RPL35: variants seen among roughly 807,000 people sequenced by gnomAD.
The protein encoded by RPL35 is large ribosomal subunit protein uL29.
A neutral mutation model predicts 15.6 loss-of-function variants in RPL35; 2 were observed. The ratio of observed to expected loss-of-function variants is 0.13; its 90% confidence interval spans 0.05 to 0.40. The LOEUF is 0.40. Ranked by LOEUF, RPL35 falls within the 10% of genes least tolerant of loss-of-function variation. The pLI is 0.99. For synonymous variants in RPL35, 93 were observed against 67.9 expected (o/e 1.37, Z -1.82); for missense variants, 111 against 164.7 (o/e 0.67, Z 1.79).
intron 1 of RPL35, 159 bp from the exon 2 acceptor site, chr9:124,861,714 G>A (rs1040694160): frequency 7.5e-7 from 1 of 1,337,580 alleles, no homozygotes; most frequent in Non-Finnish European, 1.0e-6. Context: ...CGTGCCTTGG[G>A]CAGAGTAACC....
rs565943642 is a variant in RPL35 at position 124,859,021 on chromosome 9, T to G, written c.223-954A>C. ...ATCCCTCACTCCTGCTGGCATCGGC[T>G]GGGCATTCGTCCTTTTCACATTGGC... On this transcript the variant is annotated intron_variant, in intron 3 of 3. Coordinates refer to ENST00000348462, the MANE Select transcript of RPL35 (RefSeq NM_007209.4). 3.3e-5 allele frequency among the ~76,000 whole-genome samples: 5 copies of G among 152,326 alleles called. No homozygotes were observed. The East Asian group carries it at 9.6e-4, about 29-fold the overall frequency.
At chr9:124,859,627 AC>A (rs1829164315) in intron 3 of RPL35, among the ~76,000 whole-genome samples, 1 of 151,860 alleles carries the variant, frequency 6.6e-6, no homozygotes, top group Admixed American at 6.6e-5. Flanking sequence ...CTCTGCTTGA[AC>A]CCCAATAAGA....
intron 3 of RPL35, among the ~76,000 whole-genome samples, chr9:124,859,770 A>G (rs1418802478): frequency 6.6e-6 from 1 of 152,202 alleles, no homozygotes; most frequent in African/African-American, 2.4e-5. Flanking sequence ...AGGGCCCATC[A>G]TGCCATTGAC....
intron 1 of RPL35, 100 bp downstream of exon 1, chr9:124,861,810 G>C: frequency 6.7e-7 from 1 of 1,495,836 alleles, no homozygotes; most frequent in Non-Finnish European, 9.0e-7. Flanking sequence ...CGCCCCACAG[G>C]CCTAGGTGGC....
chr9:124,858,515 A>G lies in RPL35; in HGVS notation c.223-448T>C, dbSNP rs572500270. The G allele has an allele frequency of 2.0e-4, 144 of 716,160 alleles. 1 individual carries two copies. The African/African-American group carries it at 2.3e-3, about 12-fold the overall frequency. 44.4% of individuals were successfully genotyped at this position (716,160 alleles called of 1,614,324 possible). A position where few individuals can be genotyped will look rare whatever the true frequency, so the allele number is the denominator to read the frequency against. On this transcript the variant is annotated intron_variant, in intron 3 of 3. Transcript: ENST00000348462. ...CTGAGGCAGTACTCTGTCCATCTGT[A>G]TGCAGGGCCCACCAGCTGCTGCCTG...
At chr9:124,859,148 T>A (rs1228211598) in intron 3 of RPL35, among the ~76,000 whole-genome samples, 3 of 152,364 alleles carry the variant, frequency 2.0e-5, no homozygotes, top group Admixed American at 2.0e-4. Flanking sequence ...TAGTGTCCCC[T>A]GAACAGCTAA....
Position 124,860,177 on chromosome 9 carries a change from A to G in RPL35, c.222+6T>C. 1 of 1,608,844 alleles carries G rather than the reference A, an allele frequency of 6.2e-7. No homozygotes were observed. The highest frequency in any genetic ancestry group is 8.5e-7 in the Non-Finnish European group (1 of 1,175,240). On this transcript the variant is annotated splice_donor_region_variant and intron_variant, in intron 3 of 3. Transcript: ENST00000348462. The stretch of plus-strand genomic sequence containing the variant: ...GCCAACCCTCCCTATGTCCAGGCAG[A>G]CTCACCTTGTAGAATTTCCTGAGGT...
In RPL35 at chr9:124,861,887, G is replaced by C. The variant is rs1187219152; in HGVS notation, c.3+23C>G. ...CCCCGCGCCTCACAGCGCTCGGATG[G>C]CGCCCGATTCCGCAGCTCTCACCAT... On this transcript the variant is annotated intron_variant, in intron 1 of 3. Transcript: ENST00000348462. 3.1e-6 allele frequency: 5 copies of C among 1,602,792 alleles called. No homozygotes were observed. In the African/African-American group the frequency reaches 6.7e-5, roughly 22 times the overall value.
chr9:124,858,671 C>G, intron 3 of RPL35: 1 of 616,358 alleles, frequency 1.6e-6, no homozygotes, highest in Non-Finnish European at 2.9e-6. Context: ...CCACTCCTGC[C>G]CCACTTGTTC....
At position 124,861,891 on chromosome 9, in the gene RPL35, C is replaced by A. The variant is rs1829204422; in HGVS notation, c.3+19G>T. On this transcript the variant is annotated intron_variant, in intron 1 of 3. Coordinates refer to ENST00000348462, the MANE Select transcript of RPL35 (RefSeq NM_007209.4). ...GCGCCTCACAGCGCTCGGATGGCGC[C>A]CGATTCCGCAGCTCTCACCATTGCT... 6.2e-7 allele frequency: 1 copy of A among 1,603,346 alleles called. No homozygotes were observed. Among genetic ancestry groups the A allele is most frequent in the Non-Finnish European group, 8.5e-7 (1 of 1,176,036 alleles).
At chr9:124,861,823 A>C in intron 1 of RPL35, 87 bp downstream of exon 1, 2 of 1,539,610 alleles carry the variant, frequency 1.3e-6, no homozygotes, top group Middle Eastern at 3.4e-4. Flanking sequence ...TAGGTGGCAG[A>C]TAGAATCCGC....
rs763002785 is a variant in RPL35, at chr9:124,861,919, A to G, written c.-7T>C. 3 of 1,597,242 alleles carry G rather than the reference A, an allele frequency of 1.9e-6. No individual in the cohort carries two copies. Among genetic ancestry groups the G allele is most frequent in the South Asian group, 2.2e-5 (2 of 89,310 alleles). Reference sequence around the variant, plus strand: ...ATTCCGCAGCTCTCACCATTGCTGCACAAGCCGCCAACGCCGCCGCCCGCT... The same window carrying G: ...ATTCCGCAGCTCTCACCATTGCTGCGCAAGCCGCCAACGCCGCCGCCCGCT... On this transcript the variant is annotated 5_prime_UTR_variant, in exon 1 of 4. Coordinates refer to ENST00000348462, the MANE Select transcript of RPL35 (RefSeq NM_007209.4).
At chr9:124,858,311 TG>T in intron 3 of RPL35, 1 of 617,444 alleles carries the variant, frequency 1.6e-6, no homozygotes, top group South Asian at 2.0e-5. Flanking sequence ...GGCAAAGCTG[TG>T]GAAGAGCCGG....
chr9:124,859,679 C>CT (rs906724177), intron 3 of RPL35, among the ~76,000 whole-genome samples: 52 of 152,260 alleles, frequency 3.4e-4, no homozygotes, highest in Middle Eastern at 3.4e-3. Context: ...TATCAAAATT[C>CT]AAGACTAAGA....
At chr9:124,859,557 C>T (rs1829163164) in intron 3 of RPL35, among the ~76,000 whole-genome samples, 1 of 152,206 alleles carries the variant, frequency 6.6e-6, no homozygotes, top group Non-Finnish European at 1.5e-5. Context: ...CCACAATCAC[C>T]TATGCCCATT....
In RPL35 at chr9:124,858,005, G is replaced by C. The variant is rs762622207; in HGVS notation, c.285C>G (p.Leu95=). ...TCTTCAGGTTCTCCTCGTGCTTGTT[G>C]AGCCGGCGGCGCATGGCACGTGTCT... is the stretch of plus-strand genomic sequence containing the variant. ...PKKTRAMRRR[L]NKHEENLKTK... Residue 95 remains leucine (L), a synonymous_variant, in exon 4 of 4, where the codon CTC becomes CTG. Coordinates refer to ENST00000348462, the MANE Select transcript of RPL35 (RefSeq NM_007209.4). 8.1e-6 allele frequency: 13 copies of C among 1,612,188 alleles called. 1 individual carries two copies. Among genetic ancestry groups the C allele is most frequent in the South Asian group, 7.7e-5 (7 of 91,006 alleles).
In RPL35 at chr9:124,861,609, A is replaced by G. The variant is rs113558706; in HGVS notation, c.4-54T>C. On this transcript the variant is annotated intron_variant, in intron 1 of 3. Transcript: ENST00000348462. ...CAGGCCGCGGGGCCATATCCCCTTC[A>G]CCTGCGTGGCCAGCCCCCAAAGGCG... 5.6e-3 allele frequency: 8,972 copies of G among 1,589,868 alleles called. 415 individuals are homozygous for G. In the Admixed American group the frequency reaches 0.1, roughly 18 times the overall value.
intron 3 of RPL35, 191 bp from the exon 4 acceptor site, chr9:124,858,258 T>G: frequency 1.6e-6 from 1 of 625,514 alleles, no homozygotes; most frequent in Non-Finnish European, 2.8e-6. Flanking sequence ...CATCCTCATT[T>G]CATGTAAGTC....
intron 3 of RPL35, among the ~76,000 whole-genome samples, chr9:124,859,717 C>G (rs1164854988): frequency 6.6e-6 from 1 of 152,196 alleles, no homozygotes; most frequent in Non-Finnish European, 1.5e-5. Flanking sequence ...GCACACCTCC[C>G]AGAACACTAA....
Sources: allele counts gnomAD v4.1 joint callset (sites outside exome capture counted in the v4.1 genomes callset), GRCh38; gene constraint gnomAD v4.1.1; transcripts MANE v1.5; gene names NCBI Gene and HGNC (gene_info 2026-07-23, HGNC 2026-07-21).